Variants in RBBP7 observed in about 807,000 individuals in gnomAD.
RBBP7 encodes RB binding protein 7, chromatin remodeling factor.
Under a neutral mutation model 35.2 loss-of-function variants are expected in RBBP7, and 5 were observed. The ratio of observed to expected loss-of-function variants is 0.14; its 90% CI spans 0.07 to 0.30. RBBP7 has a LOEUF of 0.30. RBBP7 is among the 10% of genes least tolerant of loss of function. The pLI is 1.00. For missense variants in RBBP7, 155 were observed against 327.5 expected (o/e 0.47, Z 4.07); for synonymous variants, 140 against 118.7 (o/e 1.18, Z -1.17).
chrX:16,856,642 A>G lies in RBBP7; in HGVS notation c.597+952T>C, dbSNP rs1418717925. ...GAAATACCACTTTATGCACACTAGGATAGCTATAATAAAAAAGACAAGCAT... is the reference window on the plus strand; with the variant it reads ...GAAATACCACTTTATGCACACTAGGGTAGCTATAATAAAAAAGACAAGCAT... On this transcript the variant is annotated intron_variant, in intron 5 of 11. Coordinates refer to ENST00000380087, the MANE Select transcript of RBBP7 (RefSeq NM_002893.4). Among the ~76,000 whole-genome samples the G allele has an allele frequency of 2.7e-5, 3 of 111,856 alleles. No individual in the cohort carries two copies. In the Admixed American group the frequency reaches 2.9e-4, roughly 11 times the overall value.
In RBBP7 at chrX:16,866,144, T is replaced by C. The variant is rs749648672; in HGVS notation, c.161+2932A>G. 1.4e-3 allele frequency among the ~76,000 whole-genome samples: 157 copies of C among 111,844 alleles called. 1 individual carries two copies. Among genetic ancestry groups the C allele is most frequent in the Non-Finnish European group, 2.7e-3 (141 of 53,177 alleles). ...TTGAAAAATTACAAAGCTTTTTAGG[T>C]AGACAATAAGTTAGTCTCAATATAT... On this transcript the variant is annotated intron_variant, in intron 2 of 11. Coordinates refer to ENST00000380087, the MANE Select transcript of RBBP7 (RefSeq NM_002893.4).
rs1569063331 is a variant in RBBP7, at chrX:16,864,542, A to AAAAAAAAAAAAG, written c.162-1443_162-1442insCTTTTTTTTTTT. Among the ~76,000 whole-genome samples the AAAAAAAAAAAAG allele has an allele frequency of 3.5e-3, 141 of 40,658 alleles. 3 individuals carry two copies. Among genetic ancestry groups the AAAAAAAAAAAAG allele is most frequent in the African/African-American group, 0.015 (136 of 9,322 alleles). 35.3% of individuals were successfully genotyped at this position (40,658 alleles called of 115,157 possible). The stretch of plus-strand genomic sequence containing the variant: ...CTCCGTCTCCAAAAAAAAAAAAAAA[A>AAAAAAAAAAAAG]AAAAAGAAAAAGAAAGAAAACATGG... On this transcript the variant is annotated intron_variant, in intron 2 of 11. Coordinates refer to ENST00000380087, the MANE Select transcript of RBBP7 (RefSeq NM_002893.4).
In RBBP7 at chrX:16,849,349, C is replaced by G. The variant is rs752342624; in HGVS notation, c.1041-48G>C. 1.3e-5 allele frequency: 14 copies of G among 1,080,160 alleles called. No individual in the cohort carries two copies. The East Asian group carries it at 4.3e-4, about 33-fold the overall frequency. The allele number at this position is 1,080,160 out of a possible 1,213,427, so 89.0% of individuals were successfully genotyped here. A position where few individuals can be genotyped will look rare whatever the true frequency, so the allele number is the denominator to read the frequency against. Reference sequence around the variant, plus strand: ...GCTTTCATCAGTGAAATTCTTGTAGCACGAACATCTGCTAAACCAGTATCA... The same window carrying G: ...GCTTTCATCAGTGAAATTCTTGTAGGACGAACATCTGCTAAACCAGTATCA... On this transcript the variant is annotated intron_variant, in intron 9 of 11. Transcript: ENST00000380087.
Position 16,856,169 on chromosome X carries a change from T to C in RBBP7, c.597+1425A>G, listed in dbSNP as rs745718954. On this transcript the variant is annotated intron_variant, in intron 5 of 11. Transcript: ENST00000380087. ...TGAATACCTATTTCTCTAAAGGAGATATGCAAATGGCCAGTAAGTACAAGA... is the reference window on the plus strand; with the variant it reads ...TGAATACCTATTTCTCTAAAGGAGACATGCAAATGGCCAGTAAGTACAAGA... Among the ~76,000 whole-genome samples, 240 of 110,694 alleles carry C rather than the reference T, an allele frequency of 2.2e-3. 1 individual carries two copies. Among genetic ancestry groups the C allele is most frequent in the Non-Finnish European group, 3.5e-3 (183 of 52,922 alleles).
chrX:16,866,523 C>CAAAAAAAAAAAAAAAAAAAAAAAAAAA (rs55729039), intron 2 of RBBP7, among the ~76,000 whole-genome samples: 2 of 32,583 alleles, frequency 6.1e-5, no homozygotes, highest in Non-Finnish European at 9.9e-5. Flanking sequence ...GAGACTGTCT[C>CAAAAAAAAAAAAAAAAAAAAAAAAAAA]AAAAAAAAAA....
At chrX:16,862,199 T>C (rs1250052079) in intron 3 of RBBP7, among the ~76,000 whole-genome samples, 1 of 112,111 alleles carries the variant, frequency 8.9e-6, no homozygotes, top group Admixed American at 9.5e-5. Flanking sequence ...GATGTACATC[T>C]TTTTCCTGCT....
chrX:16,863,382 G>A (rs758828857), intron 2 of RBBP7, among the ~76,000 whole-genome samples: 15 of 111,513 alleles, frequency 1.3e-4, no homozygotes, highest in Non-Finnish European at 2.8e-4. Context: ...TTATAGAGCA[G>A]CACTCCGGGG....
At position 16,870,302 on chromosome X, in the gene RBBP7, A is replaced by C; in HGVS notation, c.-249T>G. Reference sequence around the variant, plus strand: ...CTCCAAACTTGGAACGAGACTTTTCAACCCGCGCCTCCCAGCCCGCCCAGG... The same window carrying C: ...CTCCAAACTTGGAACGAGACTTTTCCACCCGCGCCTCCCAGCCCGCCCAGG... On this transcript the variant is annotated 5_prime_UTR_variant, in exon 1 of 12. Transcript: ENST00000380087. 3.8e-6 allele frequency: 1 copy of C among 261,147 alleles called. No homozygotes were observed. The highest frequency in any genetic ancestry group is 5.7e-6 in the Non-Finnish European group (1 of 174,602). 21.5% of individuals were successfully genotyped at this position (261,147 alleles called of 1,213,427 possible). A position where few individuals can be genotyped will look rare whatever the true frequency, so the allele number is the denominator to read the frequency against.
At chrX:16,858,403 C>T (rs759344337) in intron 4 of RBBP7, among the ~76,000 whole-genome samples, 5 of 111,610 alleles carry the variant, frequency 4.5e-5, no homozygotes, top group South Asian at 3.8e-4. Flanking sequence ...AGGACTCAGA[C>T]GCCTGTAGCT....
chrX:16,866,523 C>CAAAAAAAAAAAAAAAAAAA (rs55729039), intron 2 of RBBP7, among the ~76,000 whole-genome samples: 6 of 32,583 alleles, frequency 1.8e-4, no homozygotes, highest in African/African-American at 2.8e-4. Flanking sequence ...GAGACTGTCT[C>CAAAAAAAAAAAAAAAAAAA]AAAAAAAAAA....
chrX:16,848,139 C>T (rs1381827279), intron 10 of RBBP7: 3 of 111,631 alleles, frequency 2.7e-5, no homozygotes, highest in Admixed American at 9.5e-5. Flanking sequence ...TTGCCAAGGG[C>T]TGGAGGAAGA....
chrX:16,851,975 T>A, intron 9 of RBBP7, 71 bp downstream of exon 9: 1 of 946,633 alleles, frequency 1.1e-6, no homozygotes, highest in South Asian at 2.3e-5. Context: ...GCTTTTCTAG[T>A]TTATGAATGA....
chrX:16,865,201 G>A (rs1307943392), intron 2 of RBBP7, among the ~76,000 whole-genome samples: 3 of 109,704 alleles, frequency 2.7e-5, no homozygotes, highest in Admixed American at 9.8e-5. Flanking sequence ...CCTGGGCAAC[G>A]TGGCAAAATC....
At position 16,845,065 on chromosome X, in the gene RBBP7, C is replaced by T. The variant is rs1010760609; in HGVS notation, c.1248G>A (p.Thr416=). ...NIYNDEESDV[T]TSELEGQGS is the part of the protein sequence containing the mutation. ...ATCCTTGTCCCTCCAGTTCGGATGT[C>T]GTGACATCTGACTCTTCATCATTGT... Residue 416 remains threonine (T), a synonymous_variant, in exon 12 of 12, where the codon ACG becomes ACA. Coordinates refer to ENST00000380087, the MANE Select transcript of RBBP7 (RefSeq NM_002893.4). 5.1e-5 allele frequency: 62 copies of T among 1,208,202 alleles called. No homozygotes were observed. Among genetic ancestry groups the T allele is most frequent in the Admixed American group, 8.7e-5 (4 of 45,728 alleles).
Position 16,852,084 on chromosome X carries a change from T to C in RBBP7, c.1002A>G (p.Ser334=). ...WSPHNETILA[S]SGTDRRLNVW... ...CATTCAGGCGGCGGTCAGTACCACT[T>C]GAAGCCAGAATAGTTTCATTATGTG... The change falls in exon 9 of 12, where the codon TCA becomes TCG. Residue 334 remains serine, a synonymous_variant. Coordinates refer to ENST00000380087, the MANE Select transcript of RBBP7 (RefSeq NM_002893.4). The C allele has an allele frequency of 8.3e-7, 1 of 1,208,139 alleles. No individual in the cohort carries two copies. The highest frequency in any genetic ancestry group is 3.0e-5 in the East Asian group (1 of 33,858).
At position 16,857,721 on chromosome X, in the gene RBBP7, T is replaced by C; in HGVS notation, c.482-12A>G. On this transcript the variant is annotated splice_polypyrimidine_tract_variant and intron_variant, in intron 4 of 11. Coordinates refer to ENST00000380087, the MANE Select transcript of RBBP7 (RefSeq NM_002893.4). ...TTCTCCACTTGGGTCTAAGAAAAGATGAAAAACATTAAGTTATTCTCTGTT... is the reference window on the plus strand; with the variant it reads ...TTCTCCACTTGGGTCTAAGAAAAGACGAAAAACATTAAGTTATTCTCTGTT... 8.4e-7 allele frequency: 1 copy of C among 1,190,832 alleles called. No individual in the cohort carries two copies. Among genetic ancestry groups the C allele is most frequent in the South Asian group, 1.9e-5 (1 of 53,806 alleles).
intron 9 of RBBP7, among the ~76,000 whole-genome samples, chrX:16,851,525 A>G (rs1930213527): frequency 8.9e-6 from 1 of 112,045 alleles, no homozygotes; most frequent in Non-Finnish European, 1.9e-5. Context: ...AACTCTTTAT[A>G]CAATGAGGCC....
At position 16,869,132 on chromosome X, in the gene RBBP7, C is replaced by G; in HGVS notation, c.105G>C (p.Met35Ile). 1 of 1,211,117 alleles carries G rather than the reference C, an allele frequency of 8.3e-7. No individual in the cohort carries two copies. The change falls in exon 2 of 12, where the codon ATG becomes ATC. Residue 35 changes from methionine to isoleucine, a missense_variant. Around this residue, in one of 3 missense-constraint regions of RBBP7, gnomAD observed 59 missense variants for 90.4 expected, o/e 0.65. Coordinates refer to ENST00000380087, the MANE Select transcript of RBBP7 (RefSeq NM_002893.4). ...GACTGGGCCACTGAAGAGCATGGGTCATAACCAGGTCATATAGAAACGGTG... is the reference window on the plus strand; with the variant it reads ...GACTGGGCCACTGAAGAGCATGGGTGATAACCAGGTCATATAGAAACGGTG... ...KNTPFLYDLV[M>I]THALQWPSLT...
chrX:16,853,603 C>T, intron 6 of RBBP7, 79 bp downstream of exon 6: 1 of 926,728 alleles, frequency 1.1e-6, no homozygotes, highest in Non-Finnish European at 1.4e-6. Flanking sequence ...AAAAAAAAAT[C>T]AAACTACAGC....
Sources: allele counts gnomAD v4.1 joint callset (sites outside exome capture counted in the v4.1 genomes callset), GRCh38; gene constraint gnomAD v4.1.1; regional missense constraint gnomAD v4.1.1; transcripts MANE v1.5; gene names NCBI Gene and HGNC (gene_info 2026-07-23, HGNC 2026-07-21).